Variants in SEMA5A observed in about 807,000 individuals in gnomAD.
SEMA5A encodes semaphorin 5A.
Under a neutral mutation model 135.5 loss-of-function variants are expected in SEMA5A, and 55 were observed. The observed-to-expected ratio is 0.41, with a 90% confidence interval of 0.33 to 0.51. The LOEUF (loss-of-function observed/expected upper bound fraction) is 0.51. SEMA5A is among the 20% of genes least tolerant of loss of function. The pLI is 0.37. For missense variants in SEMA5A, 1,290 were observed against 1,419.9 expected (o/e 0.91, Z 1.47); for synonymous variants, 580 against 546.5 (o/e 1.06, Z -0.85).
intron 2 of SEMA5A, among the ~76,000 whole-genome samples, chr5:9,393,526 T>C (rs1579467075): frequency 6.6e-6 from 1 of 152,210 alleles, no homozygotes; most frequent in East Asian, 1.9e-4. Flanking sequence ...TATGCTTCAG[T>C]TCCCATGCCC....
At chr5:9,196,665 T>G (rs1745402477) in intron 10 of SEMA5A, among the ~76,000 whole-genome samples, 1 of 152,260 alleles carries the variant, frequency 6.6e-6, no homozygotes, top group South Asian at 2.1e-4. Context: ...TGCAGTTTTG[T>G]GATAACAGAT....
At chr5:9,474,115 A>G (rs1561282021) in intron 1 of SEMA5A, among the ~76,000 whole-genome samples, 1 of 152,134 alleles carries the variant, frequency 6.6e-6, no homozygotes, top group Admixed American at 6.5e-5. Flanking sequence ...AGGAGGGGCT[A>G]ATAAAAGGCA....
intron 13 of SEMA5A, among the ~76,000 whole-genome samples, chr5:9,135,583 G>A (rs927835554): frequency 4.6e-5 from 7 of 152,078 alleles, no homozygotes; most frequent in South Asian, 2.1e-4. Context: ...CTGTTGCAAC[G>A]CCTTCGCAGT....
chr5:9,242,520 T>C (rs908558961), intron 5 of SEMA5A, among the ~76,000 whole-genome samples: 1 of 152,200 alleles, frequency 6.6e-6, no homozygotes, highest in East Asian at 1.9e-4. Flanking sequence ...ATCAAAAGAC[T>C]AGCCAAACAT....
At chr5:9,483,097 A>G (rs418446) in intron 1 of SEMA5A, among the ~76,000 whole-genome samples, 126,767 of 152,134 alleles carry the variant, frequency 0.83, 52,892 homozygotes, top group Middle Eastern at 0.85. Flanking sequence ...GTTTTGAAGA[A>G]ATTTGCTGTT....
chr5:9,403,272 C>A (rs185640418), intron 2 of SEMA5A, among the ~76,000 whole-genome samples: 1 of 152,148 alleles, frequency 6.6e-6, no homozygotes, highest in Non-Finnish European at 1.5e-5. Flanking sequence ...CCAATACAAA[C>A]CAGACCGTAA....
intron 3 of SEMA5A, among the ~76,000 whole-genome samples, chr5:9,379,565 A>G (rs1470210748): frequency 6.6e-6 from 1 of 152,172 alleles, no homozygotes; most frequent in African/African-American, 2.4e-5. Flanking sequence ...GTACCTGTTA[A>G]ATAAAGGTGA....
intron 12 of SEMA5A, among the ~76,000 whole-genome samples, chr5:9,154,093 A>ATATATATATATATAGGTGTGTGTGTG (rs372321939): frequency 1.4e-5 from 1 of 73,528 alleles, no homozygotes; most frequent in Non-Finnish European, 2.4e-5. Context: ...ATATATATAT[A>ATATATATATATATAGGTGTGTGTGTG]TGTGTGTGTG....
chr5:9,430,694 G>A (rs1242445151), intron 2 of SEMA5A, among the ~76,000 whole-genome samples: 1 of 152,172 alleles, frequency 6.6e-6, no homozygotes, highest in Non-Finnish European at 1.5e-5. Context: ...CTCGACTGCT[G>A]GATTTAGCAA....
chr5:9,436,710 T>C (rs1424999255), intron 2 of SEMA5A, among the ~76,000 whole-genome samples: 2 of 152,222 alleles, frequency 1.3e-5, no homozygotes, highest in Non-Finnish European at 1.5e-5. Flanking sequence ...TAAACAATGG[T>C]AGTGTCTTTG....
intron 3 of SEMA5A, among the ~76,000 whole-genome samples, chr5:9,345,699 T>TCC (rs1753834193): frequency 6.6e-6 from 1 of 152,116 alleles, no homozygotes; most frequent in Non-Finnish European, 1.5e-5. Context: ...CTACCCAGTA[T>TCC]AAGAACAAGA....
intron 3 of SEMA5A, among the ~76,000 whole-genome samples, chr5:9,373,167 G>A (rs1755216323): frequency 6.6e-6 from 1 of 152,158 alleles, no homozygotes; most frequent in Non-Finnish European, 1.5e-5. Context: ...TATTCTTCCT[G>A]TCAAAATTTA....
chr5:9,072,197 C>T (rs1737806277), intron 16 of SEMA5A, among the ~76,000 whole-genome samples: 1 of 152,128 alleles, frequency 6.6e-6, no homozygotes, highest in Admixed American at 6.5e-5. Context: ...GGTCAGTGAT[C>T]ACTGAGTAAT....
chr5:9,345,371 G>A (rs192013661), intron 3 of SEMA5A, among the ~76,000 whole-genome samples: 1 of 152,176 alleles, frequency 6.6e-6, no homozygotes, highest in African/African-American at 2.4e-5. Context: ...ACCTGCCCTG[G>A]CAGCCTTGGT....
rs11948646 is a variant in SEMA5A, at chr5:9,189,805, C to G, written c.1273+462G>C. Among the ~76,000 whole-genome samples, 530 of 152,298 alleles carry G rather than the reference C, an allele frequency of 3.5e-3. 3 individuals are homozygous for G. The highest frequency in any genetic ancestry group is 0.012 in the African/African-American group (501 of 41,564). The stretch of plus-strand genomic sequence containing the variant: ...TGCTGTAAATGTTCCATTATTTATG[C>G]CCCAAAACATATTCTTTGAACACTG... On this transcript the variant is annotated intron_variant, in intron 11 of 22. Coordinates refer to ENST00000382496, the MANE Select transcript of SEMA5A (RefSeq NM_003966.3).
chr5:9,176,512 G>C (rs1560990400), intron 11 of SEMA5A, among the ~76,000 whole-genome samples: 1 of 152,210 alleles, frequency 6.6e-6, no homozygotes, highest in South Asian at 2.1e-4. Context: ...TGGAAATTGT[G>C]AGCTAATAAG....
chr5:9,053,413 T>C (rs2150047289), intron 19 of SEMA5A, among the ~76,000 whole-genome samples: 1 of 152,364 alleles, frequency 6.6e-6, no homozygotes, highest in South Asian at 2.1e-4. Flanking sequence ...TTGTTTGCTG[T>C]GCTCCTCCAC....
intron 5 of SEMA5A, among the ~76,000 whole-genome samples, chr5:9,309,018 C>T (rs568024859): frequency 7.2e-5 from 11 of 152,168 alleles, no homozygotes; most frequent in African/African-American, 2.6e-4. Context: ...GAATGTTTTC[C>T]TTAAACAGGA....
chr5:9,432,208 T>C (rs1757881229), intron 2 of SEMA5A, among the ~76,000 whole-genome samples: 1 of 152,178 alleles, frequency 6.6e-6, no homozygotes, highest in African/African-American at 2.4e-5. Context: ...CACAGAGATT[T>C]TCCATCAGGC....
Sources: gnomAD v4.1 joint callset for allele counts (sites outside exome capture counted in the v4.1 genomes callset) on GRCh38, gnomAD v4.1.1 for gene constraint, MANE v1.5 for transcripts, NCBI Gene and HGNC (gene_info 2026-07-23, HGNC 2026-07-21) for gene names.